Variants in AGTPBP1 observed in about 807,000 individuals in gnomAD.
AGTPBP1 encodes ATP/GTP binding carboxypeptidase 1.
AGTPBP1 carries 70 observed loss-of-function variants against 143.9 expected under a neutral mutation model. The ratio of observed to expected loss-of-function variants is 0.49; its 90% CI spans 0.40 to 0.59. The LOEUF (loss-of-function observed/expected upper bound fraction) is 0.59, where lower values mean the gene tolerates loss of function less well. AGTPBP1 is among the 20% of genes least tolerant of loss of function. The pLI is 0.00. For missense variants in AGTPBP1, 1,229 were observed against 1,464.5 expected (o/e 0.84, Z 2.62); for synonymous variants, 463 against 500.2 (o/e 0.93, Z 0.99).
intron 8 of AGTPBP1, among the ~76,000 whole-genome samples, chr9:85,665,437 C>G (rs1274303552): frequency 1.3e-5 from 2 of 152,158 alleles, no homozygotes; most frequent in Non-Finnish European, 2.9e-5. Context: ...GGACTTCCAG[C>G]CTCTGGAACT....
At chr9:85,770,477 G>T in the AGTPBP1 span, 1 of 1,555,616 alleles carries the variant, frequency 6.4e-7, no homozygotes, top group African/African-American at 1.4e-5. Context: ...ATTCTTTTCA[G>T]ATATTTCAAT....
At chr9:85,779,208 TATAGATATAG>T in the AGTPBP1 span, among the ~76,000 whole-genome samples, 1 of 138,140 alleles carries the variant, frequency 7.2e-6, no homozygotes, top group Non-Finnish European at 1.5e-5. Flanking sequence ...TAGATATAGA[TATAGATATAG>T]ATATAGATAT....
Position 85,585,506 on chromosome 9 carries a change from T to G in AGTPBP1, c.3122A>C (p.Asp1041Ala), listed in dbSNP as rs769896175. The change falls in exon 23 of 26, where the codon GAT becomes GCT. Residue 1041 changes from aspartate (D) to alanine (A), a missense_variant. Physicochemically the swap from Asp to Ala is moderately radical, Grantham distance 126. This residue lies in a region of AGTPBP1 where 486 missense variants were observed against 652.3 expected (regional missense o/e 0.75). Transcript: ENST00000357081. ...CACAACATCACATGAAGTTGCATTATCATTGGTATGCCACACTGTCTCTTT... is the reference window on the plus strand; with the variant it reads ...CACAACATCACATGAAGTTGCATTAGCATTGGTATGCCACACTGTCTCTTT... ...SIKETVWHTN[D>A]NATSCDVVED... 1.2e-6 allele frequency: 2 copies of G among 1,610,910 alleles called. No homozygotes were observed. The highest frequency in any genetic ancestry group is 1.7e-6 in the Non-Finnish European group (2 of 1,178,586).
intron 2 of AGTPBP1, among the ~76,000 whole-genome samples, chr9:85,707,113 T>C (rs538478364): frequency 6.6e-6 from 1 of 152,100 alleles, no homozygotes; most frequent in South Asian, 2.1e-4. Context: ...ACCCCTCAAA[T>C]ATTTGGAAAG....
At chr9:85,553,078 T>C (rs1305838543) in intron 25 of AGTPBP1, among the ~76,000 whole-genome samples, 2 of 152,138 alleles carry the variant, frequency 1.3e-5, no homozygotes, top group Non-Finnish European at 2.9e-5. Context: ...ATATAGCATC[T>C]CCTAAAAATA....
In AGTPBP1 at chr9:85,741,909, GGCGGCGGCGGCAGCT is replaced by G. The variant is rs780078618; in HGVS notation, c.-183_-169del. ...CCCCGGTGGCAGGCGAGGCGGAGGC[GGCGGCGGCGGCAGCT>G]GCGGCGGCGGCGCTGGAGGCGGCGG... On this transcript the variant is annotated 5_prime_UTR_variant, in exon 1 of 26. Transcript: ENST00000357081. 1.7e-5 allele frequency: 22 copies of G among 1,316,908 alleles called. No homozygotes were observed. In the African/African-American group the frequency reaches 2.2e-4, roughly 13 times the overall value. 81.6% of individuals were successfully genotyped at this position (1,316,908 alleles called of 1,614,324 possible).
rs1030869622 is a variant in AGTPBP1 at position 85,653,232 on chromosome 9, AAGGAGG to A, written c.1087+1905_1087+1910del. Among the ~76,000 whole-genome samples the A allele has an allele frequency of 6.6e-5, 10 of 151,224 alleles. No individual in the cohort carries two copies. The South Asian group carries it at 2.1e-3, about 32-fold the overall frequency. On this transcript the variant is annotated intron_variant, in intron 11 of 25. Transcript: ENST00000357081. The stretch of plus-strand genomic sequence containing the variant: ...CCAGCCTGGGAAACATGGGGGGAGG[AAGGAGG>A]AGGAGGAGGAAGGAATAATGGAAAA...
At chr9:85,622,947 T>C (rs1034622880) in intron 14 of AGTPBP1, among the ~76,000 whole-genome samples, 6 of 152,224 alleles carry the variant, frequency 3.9e-5, no homozygotes, top group Non-Finnish European at 5.9e-5. Context: ...GCCACAAATA[T>C]GTAAAAATTA....
At chr9:85,756,246 G>A in the AGTPBP1 span, 8 of 1,594,938 alleles carry the variant, frequency 5.0e-6, no homozygotes, top group Non-Finnish European at 6.0e-6. Context: ...TTGAGATCTA[G>A]TCAGGTATTC....
chr9:85,725,126 C>T (rs1217802646), intron 1 of AGTPBP1, among the ~76,000 whole-genome samples: 2 of 152,026 alleles, frequency 1.3e-5, no homozygotes, highest in African/African-American at 2.4e-5. Flanking sequence ...TGAGAGATTT[C>T]GAAGATGAGC....
chr9:85,657,369 A>G, intron 10 of AGTPBP1, 66 bp downstream of exon 10: 1 of 1,356,672 alleles, frequency 7.4e-7, no homozygotes, highest in Non-Finnish European at 1.0e-6. Context: ...ACACTAATTC[A>G]GTTTTCTTAA....
At chr9:85,562,294 C>T (rs1158239642) in intron 25 of AGTPBP1, among the ~76,000 whole-genome samples, 1 of 149,296 alleles carries the variant, frequency 6.7e-6, no homozygotes, top group Non-Finnish European at 1.5e-5. Flanking sequence ...TAGATTTAAA[C>T]CTAAATATGT....
At chr9:85,794,032 C>T in the AGTPBP1 span, among the ~76,000 whole-genome samples, 1 of 152,060 alleles carries the variant, frequency 6.6e-6, no homozygotes, top group African/African-American at 2.4e-5. Flanking sequence ...CCTCAAGGAA[C>T]TTATAGTCCA....
At chr9:85,731,133 C>T (rs371334040) in intron 1 of AGTPBP1, among the ~76,000 whole-genome samples, 1 of 152,170 alleles carries the variant, frequency 6.6e-6, no homozygotes, top group Non-Finnish European at 1.5e-5. Flanking sequence ...GGAAGTGATA[C>T]TAATCATGCA....
At position 85,589,555 on chromosome 9, in the gene AGTPBP1, T is replaced by TATA. The variant is rs1377702364; in HGVS notation, c.2694_2695insTAT (p.Ser898_Asn899insTyr). ...AAATGGCAGATATGTTCATAATAAT[T>TATA]AGACTCTGGCATTGCTGTTATAGTC... On this transcript the variant is annotated inframe_insertion, in exon 20 of 26. Transcript: ENST00000357081. 1.9e-5 allele frequency: 30 copies of TATA among 1,611,228 alleles called. No individual in the cohort carries two copies. Among genetic ancestry groups the TATA allele is most frequent in the Non-Finnish European group, 2.4e-5 (28 of 1,179,032 alleles).
chr9:85,556,664 G>A (rs1826363205), intron 25 of AGTPBP1, among the ~76,000 whole-genome samples: 1 of 152,112 alleles, frequency 6.6e-6, no homozygotes, highest in Non-Finnish European at 1.5e-5. Context: ...ACGAAAGCTA[G>A]GGCAACTACA....
At chr9:85,772,633 G>T in the AGTPBP1 span, among the ~76,000 whole-genome samples, 1 of 152,050 alleles carries the variant, frequency 6.6e-6, no homozygotes, top group Non-Finnish European at 1.5e-5. Context: ...TGTACCTGTG[G>T]TCCCAGCTAT....
Position 85,583,636 on chromosome 9 carries a change from C to A in AGTPBP1, c.3165+1827G>T, listed in dbSNP as rs533309951. ...GACAAGATAATTTTAATGAAAAAAACTGAGACCAAAGAGAGTTCATTTTAT... is the reference window on the plus strand; with the variant it reads ...GACAAGATAATTTTAATGAAAAAAAATGAGACCAAAGAGAGTTCATTTTAT... On this transcript the variant is annotated intron_variant, in intron 23 of 25. Transcript: ENST00000357081. Among the ~76,000 whole-genome samples, 364 of 152,192 alleles carry A rather than the reference C, an allele frequency of 2.4e-3. 2 individuals carry two copies. The Middle Eastern group carries it at 0.034, about 14-fold the overall frequency.
intron 21 of AGTPBP1, among the ~76,000 whole-genome samples, chr9:85,587,604 T>C (rs1587688210): frequency 6.6e-6 from 1 of 152,182 alleles, no homozygotes. Flanking sequence ...AGAAATTCTA[T>C]ATTTTAAAAA....
Sources: gnomAD v4.1 joint callset for allele counts (sites outside exome capture counted in the v4.1 genomes callset) on GRCh38, gnomAD v4.1.1 for gene constraint, gnomAD v4.1.1 regional missense constraint, MANE v1.5 for transcripts, NCBI Gene and HGNC (gene_info 2026-07-23, HGNC 2026-07-21) for gene names.